Variants in PLEKHA5 observed in about 807,000 individuals in gnomAD.
PLEKHA5 encodes pleckstrin homology domain-containing family A member 5.
In PLEKHA5, 55 loss-of-function variants were observed where a neutral mutation model predicts 181.9. The observed-to-expected ratio is 0.30, with a 90% CI of 0.24 to 0.38. The LOEUF is 0.38. Ranked by LOEUF, PLEKHA5 falls within the 10% of genes least tolerant of loss-of-function variation. The probability of loss-of-function intolerance (pLI) is 1.00; values close to 1 mark genes in which losing one functional copy is unlikely to be tolerated. For missense variants in PLEKHA5, 1,432 were observed against 1,549.5 expected, an observed-to-expected ratio of 0.92 and a Z score of 1.27; for synonymous variants, 535 against 529.4, an observed-to-expected ratio of 1.01 and a Z score of -0.15.
rs763764479 is a variant in PLEKHA5, at chr12:19,129,770, G to A, written c.-30G>A. 11 of 1,547,134 alleles carry A rather than the reference G, an allele frequency of 7.1e-6. No individual in the cohort carries two copies. The South Asian group carries it at 1.2e-4, about 18-fold the overall frequency. The stretch of plus-strand genomic sequence containing the variant: ...CTCGGCAGCCGCGGCGGCAGCAGGA[G>A]AAGGCGGCGGCGGCGGCTAGGGATC... On this transcript the variant is annotated 5_prime_UTR_variant, in exon 1 of 32. Transcript: ENST00000429027.
At chr12:19,197,732 GTT>G (rs201913459) in intron 3 of PLEKHA5, among the ~76,000 whole-genome samples, 3 of 103,516 alleles carry the variant, frequency 2.9e-5, no homozygotes, top group African/African-American at 1.3e-4. Context: ...GTGTGTGTGT[GTT>G]TAAGTCGCCT....
At position 19,327,446 on chromosome 12, in the gene PLEKHA5, GT is replaced by G. The variant is rs1280437189; in HGVS notation, c.2448+4785del. Among the ~76,000 whole-genome samples, 4 of 151,346 alleles carry G rather than the reference GT, an allele frequency of 2.6e-5. No individual in the cohort carries two copies. The East Asian group carries it at 5.8e-4, about 22-fold the overall frequency. Reference sequence around the variant, plus strand: ...ATTTTTTAAAAGGGTTATTTGTTTTGTTTTTTCCTCGTTCAATTGCTTAAGC... The same window carrying G: ...ATTTTTTAAAAGGGTTATTTGTTTTGTTTTTCCTCGTTCAATTGCTTAAGC... On this transcript the variant is annotated intron_variant, in intron 20 of 31. Coordinates refer to ENST00000429027, the MANE Select transcript of PLEKHA5 (RefSeq NM_001256470.2).
chr12:19,284,969 T>C (rs1302925998), intron 12 of PLEKHA5, among the ~76,000 whole-genome samples: 1 of 152,216 alleles, frequency 6.6e-6, no homozygotes, highest in African/African-American at 2.4e-5. Flanking sequence ...TTTATACTGT[T>C]TTAAAATGCT....
At chr12:19,224,796 C>G (rs796540896) in intron 3 of PLEKHA5, among the ~76,000 whole-genome samples, 10 of 152,162 alleles carry the variant, frequency 6.6e-5, no homozygotes, top group African/African-American at 2.2e-4. Context: ...TATATAGATA[C>G]AGTATACACG....
intron 3 of PLEKHA5, among the ~76,000 whole-genome samples, chr12:19,185,584 C>G (rs184413356): frequency 2.6e-5 from 4 of 152,168 alleles, no homozygotes; most frequent in Admixed American, 2.0e-4. Context: ...GTCTCTGGAT[C>G]TAGCCATTCC....
chr12:19,267,834 A>T (rs1258759672), intron 8 of PLEKHA5, among the ~76,000 whole-genome samples: 3 of 149,998 alleles, frequency 2.0e-5, no homozygotes, highest in Non-Finnish European at 4.4e-5. Context: ...ATGGTGGCAC[A>T]TGCCTGTAAT....
chr12:19,236,644 T>G (rs2061448287), intron 3 of PLEKHA5, among the ~76,000 whole-genome samples: 1 of 152,224 alleles, frequency 6.6e-6, no homozygotes, highest in African/African-American at 2.4e-5. Context: ...GAGCTAAGTT[T>G]ATTTTAATAC....
At chr12:19,156,225 T>TC (rs397726118) in intron 3 of PLEKHA5, among the ~76,000 whole-genome samples, 3 of 150,880 alleles carry the variant, frequency 2.0e-5, no homozygotes, top group Non-Finnish European at 4.4e-5. Context: ...TTTTTTTTTT[T>TC]CTCCTCAGGG....
intron 25 of PLEKHA5, among the ~76,000 whole-genome samples, chr12:19,353,159 T>C (rs866366742): frequency 3.3e-5 from 5 of 151,900 alleles, no homozygotes; most frequent in Admixed American, 2.0e-4. Flanking sequence ...TTATTTATTT[T>C]TTTATTTATT....
chr12:19,247,547 C>T (rs1405557559), intron 3 of PLEKHA5, among the ~76,000 whole-genome samples: 5 of 152,010 alleles, frequency 3.3e-5, no homozygotes, highest in Non-Finnish European at 5.9e-5. Flanking sequence ...TATATACACA[C>T]TGATTTAGTC....
chr12:19,348,845 C>A (rs2094454971), intron 25 of PLEKHA5, among the ~76,000 whole-genome samples: 3 of 151,964 alleles, frequency 2.0e-5, no homozygotes, highest in Admixed American at 2.0e-4. Context: ...TGCCTGAATC[C>A]CAGTTACCCG....
intron 22 of PLEKHA5, among the ~76,000 whole-genome samples, chr12:19,345,330 G>A (rs538704428): frequency 3.3e-5 from 5 of 151,194 alleles, no homozygotes; most frequent in South Asian, 4.2e-4. Context: ...AACCTGGGAC[G>A]CAGAGGTTGC....
At chr12:19,306,959 C>G (rs2084026975) in intron 15 of PLEKHA5, 1 of 1,260,930 alleles carries the variant, frequency 7.9e-7, no homozygotes, top group African/African-American at 1.5e-5. Context: ...CTGCCTACTC[C>G]TAACCCACTT....
At chr12:19,339,701 A>G (rs1201279765) in intron 21 of PLEKHA5, among the ~76,000 whole-genome samples, 1 of 152,196 alleles carries the variant, frequency 6.6e-6, no homozygotes, top group Non-Finnish European at 1.5e-5. Context: ...AAAAAAAAAT[A>G]AAAGAATGAG....
At chr12:19,353,802 G>A in intron 25 of PLEKHA5, 82 bp from the exon 26 acceptor site, 2 of 747,504 alleles carry the variant, frequency 2.7e-6, no homozygotes, top group Non-Finnish European at 4.7e-6. Context: ...ATTTTAAAAA[G>A]TGTCAGAAAT....
At chr12:19,285,193 C>T (rs560877250) in intron 12 of PLEKHA5, among the ~76,000 whole-genome samples, 1 of 152,280 alleles carries the variant, frequency 6.6e-6, no homozygotes, top group African/African-American at 2.4e-5. Context: ...AAGACTAAAT[C>T]ATGATTGATA....
At chr12:19,353,179 G>C (rs2094704378) in intron 25 of PLEKHA5, among the ~76,000 whole-genome samples, 3 of 150,374 alleles carry the variant, frequency 2.0e-5, no homozygotes, top group Admixed American at 1.3e-4. Context: ...TTTTGAGACA[G>C]AGTCTTCTCT....
intron 3 of PLEKHA5, among the ~76,000 whole-genome samples, chr12:19,133,534 C>T (rs374410271): frequency 2.0e-5 from 3 of 151,916 alleles, no homozygotes; most frequent in African/African-American, 7.2e-5. Context: ...ACCTTTATTT[C>T]ATTGAGCCTA....
intron 3 of PLEKHA5, among the ~76,000 whole-genome samples, chr12:19,174,072 A>C (rs1279735552): frequency 6.6e-6 from 1 of 152,222 alleles, no homozygotes; most frequent in Admixed American, 6.5e-5. Flanking sequence ...GATGGGAGAA[A>C]AGTGATTTGT....
Sources: allele counts gnomAD v4.1 joint callset (sites outside exome capture counted in the v4.1 genomes callset), GRCh38; gene constraint gnomAD v4.1.1; transcripts MANE v1.5; gene names NCBI Gene and HGNC (gene_info 2026-07-23, HGNC 2026-07-21).